IQSEC2: variants seen among roughly 807,000 people sequenced by gnomAD.
IQSEC2 encodes the protein IQ motif and Sec7 domain ArfGEF 2, also known as IQ motif and SEC7 domain-containing protein 2.
A neutral mutation model predicts 74.6 loss-of-function variants in IQSEC2; 6 were observed. The ratio of observed to expected loss-of-function variants is 0.08; its 90% CI spans 0.04 to 0.16. The LOEUF (loss-of-function observed/expected upper bound fraction) is 0.16. Ranked by LOEUF, IQSEC2 falls within the 10% of genes least tolerant of loss-of-function variation. The pLI, the probability that IQSEC2 is intolerant of heterozygous loss-of-function variation, is 1.00. For missense variants in IQSEC2, 734 were observed against 1,306.2 expected, an observed-to-expected ratio of 0.56 and a Z score of 6.75; for synonymous variants, 494 against 544.5, an observed-to-expected ratio of 0.91 and a Z score of 1.29.
intron 2 of IQSEC2, among the ~76,000 whole-genome samples, chrX:53,286,362 G>A (rs2075025385): frequency 8.9e-6 from 1 of 112,213 alleles, no homozygotes; most frequent in Non-Finnish European, 1.9e-5. Context: ...CCTCTGAGCC[G>A]ACCAGCTCTG....
intron 1 of IQSEC2, among the ~76,000 whole-genome samples, chrX:53,313,268 A>G (rs782304679): frequency 8.9e-6 from 1 of 112,151 alleles, no homozygotes; most frequent in East Asian, 2.8e-4. Context: ...GGGGCTGGCA[A>G]CATGAATCTC....
chrX:53,233,036 T>A lies in IQSEC2; in HGVS notation c.*1183A>T, dbSNP rs2074073868. The A allele has an allele frequency of 9.1e-6, 1 of 110,063 alleles. No homozygotes were observed. The highest frequency in any genetic ancestry group is 4.0e-4 in the South Asian group (1 of 2,524). 9.1% of individuals were successfully genotyped at this position (110,063 alleles called of 1,213,427 possible). A position where few individuals can be genotyped will look rare whatever the true frequency, so the allele number is the denominator to read the frequency against. On this transcript the variant is annotated 3_prime_UTR_variant, in exon 15 of 15. Coordinates refer to ENST00000642864, the MANE Select transcript of IQSEC2 (RefSeq NM_001111125.3). ...GCCCTGGCCCTTCGTACAGCCAGGG[T>A]CCATCTGTCTGTCTATACTGCAGCC...
intron 1 of IQSEC2, among the ~76,000 whole-genome samples, chrX:53,297,890 G>A (rs1000050954): frequency 3.4e-4 from 38 of 111,204 alleles, no homozygotes; most frequent in African/African-American, 1.2e-3. Flanking sequence ...AACATTTTGG[G>A]AGGCCGAGGT....
downstream of IQSEC2, among the ~76,000 whole-genome samples, chrX:53,232,637 C>A (rs1472555808): frequency 8.9e-6 from 1 of 111,749 alleles, no homozygotes; most frequent in Non-Finnish European, 1.9e-5. Context: ...GAAGTGAAAA[C>A]CCCAGGATGT....
intron 1 of IQSEC2, among the ~76,000 whole-genome samples, chrX:53,316,099 C>G (rs1556879001): frequency 2.7e-5 from 3 of 112,133 alleles, no homozygotes; most frequent in Admixed American, 9.5e-5. Context: ...GCCTGCAACC[C>G]TGTCTCCCTG....
At chrX:53,279,396 T>G (rs6529669) in intron 2 of IQSEC2, 2 of 417,610 alleles carry the variant, frequency 4.8e-6, no homozygotes, top group South Asian at 4.4e-5. Flanking sequence ...AGATCCCAAA[T>G]GTCCTCTTTG....
At chrX:53,229,537 AC>A (rs1409913701), downstream of IQSEC2, 3 of 109,439 alleles carry the variant, frequency 2.7e-5, no homozygotes, top group African/African-American at 1.0e-4. Context: ...CTCCATCTCT[AC>A]AAAAAATTTT....
At chrX:53,314,577 G>A (rs1404996989) in intron 1 of IQSEC2, among the ~76,000 whole-genome samples, 1 of 111,771 alleles carries the variant, frequency 8.9e-6, no homozygotes, top group African/African-American at 3.3e-5. Context: ...CCCAAGAGAA[G>A]GGAACAACAT....
In IQSEC2 at chrX:53,250,356, A is replaced by G; in HGVS notation, c.2220T>C (p.His740=). ...CKQTYQRETR[H]SWDSPAFNND... ...TGTTGAAAGCTGGCGAGTCCCAGCT[A>G]TGCCTTGTCTCCCGCTGGTAAGTCT... is the stretch of plus-strand genomic sequence containing the variant. Residue 740 remains histidine (H), a synonymous_variant, in exon 5 of 15, where the codon CAT becomes CAC. Transcript: ENST00000642864. 1 of 1,211,575 alleles carries G rather than the reference A, an allele frequency of 8.3e-7. No individual in the cohort carries two copies. Among genetic ancestry groups the G allele is most frequent in the African/African-American group, 1.7e-5 (1 of 57,870 alleles).
At chrX:53,279,935 A>AGAGAG (rs2074922277) in intron 2 of IQSEC2, among the ~76,000 whole-genome samples, 1 of 95,267 alleles carries the variant, frequency 1.0e-5, no homozygotes, top group African/African-American at 4.0e-5. Flanking sequence ...GGGAGGGAGG[A>AGAGAG]AGGAAGGAAG....
intron 4 of IQSEC2, among the ~76,000 whole-genome samples, chrX:53,252,352 C>T (rs2074402578): frequency 1.1e-5 from 1 of 93,621 alleles, no homozygotes; most frequent in South Asian, 5.6e-4. Flanking sequence ...TGAGCTACCA[C>T]ACCTGGCCAA....
chrX:53,311,131 A>AAAAAAAAAAAAAAAAAAG (rs1472857475), intron 1 of IQSEC2, among the ~76,000 whole-genome samples: 9 of 95,977 alleles, frequency 9.4e-5, no homozygotes, highest in Non-Finnish European at 1.5e-4. Context: ...CAAAAAAAAA[A>AAAAAAAAAAAAAAAAAAG]AAAAGAAAAG....
At chrX:53,316,015 C>T (rs2075366948) in intron 1 of IQSEC2, among the ~76,000 whole-genome samples, 1 of 112,125 alleles carries the variant, frequency 8.9e-6, no homozygotes, top group Non-Finnish European at 1.9e-5. Flanking sequence ...ATCCCTCCTT[C>T]CTCTGAGAAC....
intron 2 of IQSEC2, 132 bp downstream of exon 2, chrX:53,291,763 T>A: frequency 8.2e-6 from 4 of 486,516 alleles, no homozygotes; most frequent in Non-Finnish European, 1.3e-5. Context: ...TAGCCACCCC[T>A]AATACCAACA....
intron 2 of IQSEC2, among the ~76,000 whole-genome samples, chrX:53,283,900 CAGG>C (rs1350699925): frequency 8.9e-6 from 1 of 112,023 alleles, no homozygotes; most frequent in Non-Finnish European, 1.9e-5. Context: ...GTAGAGATGG[CAGG>C]AGGAGAGCAT....
intron 1 of IQSEC2, among the ~76,000 whole-genome samples, chrX:53,316,934 G>A (rs1482843574): frequency 1.8e-5 from 2 of 110,094 alleles, no homozygotes; most frequent in Non-Finnish European, 3.8e-5. Flanking sequence ...GGGGGTGGGG[G>A]TAAAGGAAGG....
At chrX:53,243,983 G>A (rs1377839683) in intron 8 of IQSEC2, among the ~76,000 whole-genome samples, 1 of 111,612 alleles carries the variant, frequency 9.0e-6, no homozygotes, top group East Asian at 2.8e-4. Flanking sequence ...ACTTTGGGAG[G>A]CCGAGGCAGG....
chrX:53,279,671 C>T, intron 2 of IQSEC2: 1 of 1,061,661 alleles, frequency 9.4e-7, no homozygotes, highest in Non-Finnish European at 1.3e-6. Flanking sequence ...TGAGAGACAG[C>T]AAGAGACAGA....
In IQSEC2 at chrX:53,320,351, A is replaced by G. The variant is rs782298849; in HGVS notation, c.707+66T>C. ...GAACCAGACACTGGCTTCTTACTCTATCAGCTGGACAAGTTGGAGAGGGAT... is the reference window on the plus strand; with the variant it reads ...GAACCAGACACTGGCTTCTTACTCTGTCAGCTGGACAAGTTGGAGAGGGAT... On this transcript the variant is annotated intron_variant, in intron 1 of 14. Coordinates refer to ENST00000642864, the MANE Select transcript of IQSEC2 (RefSeq NM_001111125.3). The G allele has an allele frequency of 6.5e-5, 60 of 925,392 alleles. No individual in the cohort carries two copies. The South Asian group carries it at 1.1e-3, about 17-fold the overall frequency. The allele number at this position is 925,392 out of a possible 1,213,427, so 76.3% of individuals were successfully genotyped here.
Sources: gnomAD v4.1 joint callset for allele counts (sites outside exome capture counted in the v4.1 genomes callset) on GRCh38, gnomAD v4.1.1 for gene constraint, MANE v1.5 for transcripts, NCBI Gene and HGNC (gene_info 2026-07-23, HGNC 2026-07-21) for gene names.